NBEA: variants seen among roughly 807,000 people sequenced by gnomAD.
The protein encoded by NBEA is lysosomal-trafficking regulator 2.
In NBEA, 44 loss-of-function variants were observed where a neutral mutation model predicts 343.4. The ratio of observed to expected loss-of-function variants is 0.13; its 90% CI spans 0.10 to 0.16. The LOEUF (loss-of-function observed/expected upper bound fraction) is 0.16. NBEA is among the 10% of genes least tolerant of loss of function. The pLI is 1.00. For synonymous variants in NBEA, 1,175 were observed against 1,238.7 expected (o/e 0.95, Z 1.08); for missense variants, 2,555 against 3,631.3 (o/e 0.70, Z 7.62).
intron 33 of NBEA, among the ~76,000 whole-genome samples, chr13:35,224,487 T>G (rs117803354): frequency 0.036 from 5,408 of 152,250 alleles, 144 homozygotes; most frequent in Non-Finnish European, 0.054. Context: ...TATGTCTATA[T>G]TTTATTGGCC....
intron 41 of NBEA, among the ~76,000 whole-genome samples, chr13:35,513,301 A>ATT (rs1566247982): frequency 2.6e-5 from 3 of 117,286 alleles, no homozygotes; most frequent in African/African-American, 7.1e-5. Context: ...CACACCTGGC[A>ATT]ATTTTTTTTT....
intron 1 of NBEA, among the ~76,000 whole-genome samples, chr13:34,979,864 A>G (rs367861615): frequency 9.9e-5 from 15 of 152,072 alleles, no homozygotes; most frequent in African/African-American, 2.9e-4. Context: ...CATGTCTGTT[A>G]TCTATATGAA....
chr13:35,204,512 C>T (rs1267571535), intron 31 of NBEA, among the ~76,000 whole-genome samples: 1 of 152,064 alleles, frequency 6.6e-6, no homozygotes, highest in Non-Finnish European at 1.5e-5. Flanking sequence ...GACCGGCCCT[C>T]GTGATTCAAT....
chr13:35,452,013 G>T (rs567672818), intron 39 of NBEA, 79 bp from the exon 40 acceptor site: 1 of 963,812 alleles, frequency 1.0e-6, no homozygotes, highest in South Asian at 1.6e-5. Context: ...ATTTAATAAA[G>T]CAATCAATTA....
intron 30 of NBEA, among the ~76,000 whole-genome samples, chr13:35,193,404 A>G (rs1301067787): frequency 6.6e-6 from 1 of 151,932 alleles, no homozygotes; most frequent in Admixed American, 6.6e-5. Context: ...TCTGTAGACT[A>G]AAAGTGATTC....
chr13:34,998,018 C>A (rs1449963208), intron 1 of NBEA, among the ~76,000 whole-genome samples: 1 of 152,032 alleles, frequency 6.6e-6, no homozygotes, highest in East Asian at 1.9e-4. Context: ...GCAAAATTCA[C>A]CCCCGATATT....
intron 17 of NBEA, 69 bp downstream of exon 17, chr13:35,123,643 T>C (rs2066916874): frequency 2.1e-6 from 2 of 941,992 alleles, no homozygotes; most frequent in Non-Finnish European, 2.9e-6. Context: ...GAGTTTTCTA[T>C]GTAATGTAGC....
chr13:35,651,431 T>C (rs2084517971), intron 52 of NBEA, among the ~76,000 whole-genome samples: 1 of 152,074 alleles, frequency 6.6e-6, no homozygotes. Context: ...CTGCCCCAGG[T>C]GAGCCCAGCC....
At chr13:35,539,857 A>G (rs1288181138) in intron 41 of NBEA, among the ~76,000 whole-genome samples, 1 of 135,902 alleles carries the variant, frequency 7.4e-6, no homozygotes, top group East Asian at 2.2e-4. Flanking sequence ...CGGAGCTTGC[A>G]GGGAGCCGAG....
At chr13:35,184,656 G>A (rs949816795) in intron 30 of NBEA, among the ~76,000 whole-genome samples, 5 of 151,710 alleles carry the variant, frequency 3.3e-5, no homozygotes, top group East Asian at 1.9e-4. Flanking sequence ...TATCAGATAC[G>A]GACATTATAG....
chr13:35,351,283 T>A (rs1031008694), intron 37 of NBEA, among the ~76,000 whole-genome samples: 1 of 152,002 alleles, frequency 6.6e-6, no homozygotes, highest in Non-Finnish European at 1.5e-5. Context: ...TTACTTGTAT[T>A]ACACATTTAT....
chr13:35,215,863 T>C (rs951974687), intron 33 of NBEA, among the ~76,000 whole-genome samples: 4 of 151,668 alleles, frequency 2.6e-5, no homozygotes, highest in Admixed American at 2.6e-4. Flanking sequence ...GTTTTTTTAA[T>C]TGATAAATGA....
At chr13:35,331,801 A>G (rs1229942549) in intron 36 of NBEA, among the ~76,000 whole-genome samples, 8 of 151,974 alleles carry the variant, frequency 5.3e-5, no homozygotes, top group Admixed American at 3.9e-4. Context: ...TGGATAAACT[A>G]TTTTCTGTTT....
chr13:35,276,733 T>G (rs2034612714), intron 34 of NBEA, among the ~76,000 whole-genome samples: 3 of 152,234 alleles, frequency 2.0e-5, no homozygotes, highest in Admixed American at 2.0e-4. Context: ...ATTTTCCAAG[T>G]AATTTATATA....
In NBEA at chr13:35,671,535, C is replaced by T. The variant is rs2085615499; in HGVS notation, c.*544C>T. On this transcript the variant is annotated 3_prime_UTR_variant, in exon 59 of 59. Transcript: ENST00000379939. Reference sequence around the variant, plus strand: ...GTTACAACTTGCATGTTCCTTACTCCTGTTGGCTTGATGGAACAGGTGCAT... The same window carrying T: ...GTTACAACTTGCATGTTCCTTACTCTTGTTGGCTTGATGGAACAGGTGCAT... 6.5e-6 allele frequency: 1 copy of T among 153,094 alleles called. No individual in the cohort carries two copies. The highest frequency in any genetic ancestry group is 2.1e-4 in the South Asian group (1 of 4,852). The allele number at this position is 153,094 out of a possible 1,614,324, so 9.5% of individuals were successfully genotyped here. A position where few individuals can be genotyped will look rare whatever the true frequency, so the allele number is the denominator to read the frequency against.
intron 40 of NBEA, among the ~76,000 whole-genome samples, chr13:35,458,397 A>G (rs1462780635): frequency 6.6e-6 from 1 of 152,226 alleles, no homozygotes; most frequent in African/African-American, 2.4e-5. Context: ...TTGAACCATG[A>G]AGAAATCTCC....
chr13:35,257,796 T>G (rs1484121196), intron 34 of NBEA, among the ~76,000 whole-genome samples: 2 of 152,180 alleles, frequency 1.3e-5, no homozygotes, highest in Non-Finnish European at 2.9e-5. Flanking sequence ...AATTGGTAAT[T>G]TTCATATAGA....
chr13:35,582,710 T>C (rs2081111559), intron 45 of NBEA, among the ~76,000 whole-genome samples: 1 of 152,150 alleles, frequency 6.6e-6, no homozygotes, highest in Non-Finnish European at 1.5e-5. Context: ...GTAATTTAAA[T>C]ATTCAGGATA....
At chr13:35,076,257 A>G (rs899480427) in intron 10 of NBEA, among the ~76,000 whole-genome samples, 1 of 151,930 alleles carries the variant, frequency 6.6e-6, no homozygotes, top group Non-Finnish European at 1.5e-5. Context: ...AAATTGCTAA[A>G]TTGGTACTGA....
Sources: gnomAD v4.1 joint callset for allele counts (sites outside exome capture counted in the v4.1 genomes callset) on GRCh38, gnomAD v4.1.1 for gene constraint, MANE v1.5 for transcripts, NCBI Gene and HGNC (gene_info 2026-07-23, HGNC 2026-07-21) for gene names.